The following MBTPS1 variants were observed in gnomAD, a reference collection of about 807,000 sequenced individuals.
MBTPS1 encodes membrane bound transcription factor peptidase, site 1, also known as membrane-bound transcription factor site-1 protease.
A neutral mutation model predicts 127.8 loss-of-function variants in MBTPS1; 94 were observed. That is an observed-to-expected ratio of 0.74 (90% CI 0.62 to 0.87). The LOEUF is 0.87. Among genes scored for constraint, MBTPS1 ranks in the 40% least tolerant of loss-of-function variants. MBTPS1 has a pLI of 0.00. For synonymous variants in MBTPS1, 632 were observed against 509.4 expected (o/e 1.24, Z -3.24); for missense variants, 1,636 against 1,353.2 (o/e 1.21, Z -3.28).
chr16:84,081,711 G>C lies in MBTPS1; in HGVS notation c.1448+36C>G, dbSNP rs201717856. 200 of 1,320,556 alleles carry C rather than the reference G, an allele frequency of 1.5e-4. 1 individual carries two copies. The African/African-American group carries it at 2.8e-3, about 19-fold the overall frequency. 81.8% of individuals were successfully genotyped at this position (1,320,556 alleles called of 1,614,324 possible). On this transcript the variant is annotated intron_variant, in intron 11 of 22. Coordinates refer to ENST00000343411, the MANE Select transcript of MBTPS1 (RefSeq NM_003791.4). The stretch of plus-strand genomic sequence containing the variant: ...GAAAATTCGCCCAGAGCCCAGTGAA[G>C]GAGAGAAAGACCCATCGGCAGGGCG...
chr16:84,091,750 A>T lies in MBTPS1; in HGVS notation c.945T>A (p.Asp315Glu). ...CACAAACCTTGTCAACAAACGGATG[A>T]TCCATGAAGTCCGGGCCGCCGATGC... ...NLSIGGPDFM[D>E]HPFVDKVWEL... The change falls in exon 7 of 23, where the codon GAT becomes GAA. Residue 315 changes from aspartate to glutamate, a missense_variant. Physicochemically the swap from Asp to Glu is conservative, Grantham distance 45. Coordinates refer to ENST00000343411, the MANE Select transcript of MBTPS1 (RefSeq NM_003791.4). 2.5e-6 allele frequency: 4 copies of T among 1,613,700 alleles called. No individual in the cohort carries two copies. Among genetic ancestry groups the T allele is most frequent in the Non-Finnish European group, 3.4e-6 (4 of 1,179,598 alleles).
intron 8 of MBTPS1, 41 bp downstream of exon 8, chr16:84,090,834 G>C (rs1432553928): frequency 7.0e-7 from 1 of 1,437,920 alleles, no homozygotes; most frequent in Admixed American, 1.8e-5. Flanking sequence ...TTATTTAAGG[G>C]GGAAAAAATC....
intron 1 of MBTPS1, among the ~76,000 whole-genome samples, 169 bp downstream of exon 1, chr16:84,116,566 C>G (rs1016088713): frequency 2.0e-5 from 3 of 152,196 alleles, no homozygotes. Flanking sequence ...GGTACAGGCA[C>G]GCTGTGTCCA....
At chr16:84,089,480 G>C (rs1334006052) in intron 8 of MBTPS1, among the ~76,000 whole-genome samples, 3 of 152,248 alleles carry the variant, frequency 2.0e-5, no homozygotes, top group African/African-American at 7.2e-5. Context: ...AACTGCTGCA[G>C]ATTCTTGATT....
intron 4 of MBTPS1, 131 bp downstream of exon 4, chr16:84,095,471 G>C (rs1207267005): frequency 1.1e-6 from 1 of 893,890 alleles, no homozygotes; most frequent in African/African-American, 1.7e-5. Flanking sequence ...AGATGTGGAA[G>C]GCTGCAGGGC....
chr16:84,060,711 G>T lies in MBTPS1; in HGVS notation c.2675C>A (p.Ala892Glu). Reference sequence around the variant, plus strand: ...CATCCTCTCTGGAGTGACTGAGCCTGCTCCACTGGGAGGGCGCTGGCGGTT... The same window carrying T: ...CATCCTCTCTGGAGTGACTGAGCCTTCTCCACTGGGAGGGCGCTGGCGGTT... ...SGNRQRPPSGAGSVTPERMEG... is the reference protein window; with the variant it reads ...SGNRQRPPSGEGSVTPERMEG... Residue 892 changes from alanine (A) to glutamate (E), a missense_variant, in exon 20 of 23, where the codon GCA (alanine) becomes GAA (glutamate). Coordinates refer to ENST00000343411, the MANE Select transcript of MBTPS1 (RefSeq NM_003791.4). 6.2e-7 allele frequency: 1 copy of T among 1,614,012 alleles called. No individual in the cohort carries two copies. Among genetic ancestry groups the T allele is most frequent in the East Asian group, 2.2e-5 (1 of 44,884 alleles).
intron 14 of MBTPS1, 121 bp downstream of exon 14, chr16:84,069,745 G>A (rs549696978): frequency 1.1e-5 from 10 of 919,772 alleles, no homozygotes; most frequent in African/African-American, 6.7e-5. Context: ...ACATCTCAGC[G>A]TCATCAGAGT....
intron 10 of MBTPS1, among the ~76,000 whole-genome samples, chr16:84,082,656 C>T (rs1047827008): frequency 4.6e-5 from 7 of 152,142 alleles, no homozygotes; most frequent in African/African-American, 1.4e-4. Flanking sequence ...AAAAGGAAAA[C>T]TTAACTCTCC....
intron 1 of MBTPS1, among the ~76,000 whole-genome samples, chr16:84,112,807 T>G (rs1445543286): frequency 4.0e-5 from 6 of 151,224 alleles, no homozygotes; most frequent in Non-Finnish European, 8.8e-5. Context: ...AAACCCCATC[T>G]CTACTAAAAA....
chr16:84,093,929 T>A, intron 4 of MBTPS1, 108 bp from the exon 5 acceptor site: 1 of 824,206 alleles, frequency 1.2e-6, no homozygotes, highest in Non-Finnish European at 2.0e-6. Context: ...TGACATATTG[T>A]GGAAGGCCAA....
intron 11 of MBTPS1, among the ~76,000 whole-genome samples, chr16:84,079,976 G>A (rs2085916003): frequency 6.6e-6 from 1 of 152,238 alleles, no homozygotes; most frequent in African/African-American, 2.4e-5. Context: ...CATCAGCAAA[G>A]AGCTGCTTGG....
intron 1 of MBTPS1, among the ~76,000 whole-genome samples, chr16:84,102,414 T>G (rs991997543): frequency 2.6e-5 from 4 of 152,248 alleles, no homozygotes; most frequent in Non-Finnish European, 5.9e-5. Context: ...TATTATTTCA[T>G]TTTTATTTAC....
At chr16:84,096,289 T>A (rs1184053511) in intron 3 of MBTPS1, among the ~76,000 whole-genome samples, 1 of 152,218 alleles carries the variant, frequency 6.6e-6, no homozygotes, top group Non-Finnish European at 1.5e-5. Flanking sequence ...TATTGCTCAA[T>A]ATTCTCAATA....
intron 1 of MBTPS1, among the ~76,000 whole-genome samples, chr16:84,112,670 C>A (rs11149627): frequency 0.66 from 87,605 of 132,302 alleles, 29,223 homozygotes; most frequent in East Asian, 0.81. Context: ...TCAAAAAAAA[C>A]AAAAAAAAAC....
chr16:84,103,217 A>C (rs1481939081), intron 1 of MBTPS1, among the ~76,000 whole-genome samples: 3 of 151,058 alleles, frequency 2.0e-5, no homozygotes, highest in Non-Finnish European at 4.4e-5. Flanking sequence ...GAAGCAAGAG[A>C]GGCCTTCCAG....
chr16:84,060,362 C>G (rs2085590982), intron 20 of MBTPS1: 1 of 229,516 alleles, frequency 4.4e-6, no homozygotes, highest in Non-Finnish European at 8.6e-6. Context: ...GTTGGTGATT[C>G]TTCCTGAAGA....
At position 84,054,133 on chromosome 16, in the gene MBTPS1, C is replaced by A; in HGVS notation, c.*316G>T. On this transcript the variant is annotated 3_prime_UTR_variant, in exon 23 of 23. Coordinates refer to ENST00000343411, the MANE Select transcript of MBTPS1 (RefSeq NM_003791.4). Reference sequence around the variant, plus strand: ...GGTTGTATCATTTGTTTGGAAAGTACATCCTTCCCCTGCAGTCAGAAGACC... The same window carrying A: ...GGTTGTATCATTTGTTTGGAAAGTAAATCCTTCCCCTGCAGTCAGAAGACC... The A allele has an allele frequency of 4.3e-6, 1 of 231,618 alleles. No homozygotes were observed. The highest frequency in any genetic ancestry group is 8.4e-6 in the Non-Finnish European group (1 of 118,748). 14.3% of individuals were successfully genotyped at this position (231,618 alleles called of 1,614,324 possible).
At chr16:84,112,653 C>G (rs1406466196) in intron 1 of MBTPS1, among the ~76,000 whole-genome samples, 5 of 123,304 alleles carry the variant, frequency 4.1e-5, no homozygotes, top group African/African-American at 1.5e-4. Context: ...CAGAGCGAGA[C>G]TCGGTCTCAA....
chr16:84,073,186 T>A (rs563180149), intron 12 of MBTPS1, among the ~76,000 whole-genome samples: 13 of 152,280 alleles, frequency 8.5e-5, no homozygotes, highest in Admixed American at 2.6e-4. Context: ...CAGGTTGGAG[T>A]ACAGTGGCAT....
Sources: gnomAD v4.1 joint callset for allele counts (sites outside exome capture counted in the v4.1 genomes callset) on GRCh38, gnomAD v4.1.1 for gene constraint, MANE v1.5 for transcripts, NCBI Gene and HGNC (gene_info 2026-07-23, HGNC 2026-07-21) for gene names.